Variants in SLC39A8 observed in about 807,000 individuals in gnomAD.
SLC39A8 encodes solute carrier family 39 member 8.
Under a neutral mutation model 40.4 loss-of-function variants are expected in SLC39A8, and 15 were observed. The observed-to-expected ratio is 0.37, with a 90% CI of 0.25 to 0.57. The LOEUF (loss-of-function observed/expected upper bound fraction) is 0.57. Among genes scored for constraint, SLC39A8 ranks in the 20% least tolerant of loss-of-function variants. SLC39A8 has a pLI of 0.75. For missense variants in SLC39A8, 472 were observed against 558.8 expected, an observed-to-expected ratio of 0.84 and a Z score of 1.57; for synonymous variants, 223 against 221.6, an observed-to-expected ratio of 1.01 and a Z score of -0.06.
intron 5 of SLC39A8, 124 bp from the exon 6 acceptor site, chr4:102,304,605 G>T (rs1734069496): frequency 1.4e-6 from 1 of 715,056 alleles, no homozygotes; most frequent in Non-Finnish European, 2.2e-6. Context: ...TATGTGTAAA[G>T]AAGTATTTTT....
intron 6 of SLC39A8, among the ~76,000 whole-genome samples, chr4:102,291,352 G>T (rs188700093): frequency 2.0e-5 from 3 of 151,508 alleles, no homozygotes. Flanking sequence ...ACAGCAACAC[G>T]TCCTAAATAC....
Position 102,267,586 on chromosome 4 carries a change from C to T in SLC39A8, c.1137G>A (p.Gly379=). 1.2e-6 allele frequency: 2 copies of T among 1,613,910 alleles called. No homozygotes were observed. The highest frequency in any genetic ancestry group is 1.7e-6 in the Non-Finnish European group (2 of 1,179,954). Residue 379 remains glycine (G), a synonymous_variant, in exon 8 of 9, where the codon GGG becomes GGA. Transcript: ENST00000356736. ...NFLSACSCYV[G]LAFGILVGNN... ...TGCCCACCAAAATGCCAAAAGCTAGCCCAACATAGCAGGAACATGCAGAAA... is the reference window on the plus strand; with the variant it reads ...TGCCCACCAAAATGCCAAAAGCTAGTCCAACATAGCAGGAACATGCAGAAA...
chr4:102,291,032 G>A (rs1317451261), intron 6 of SLC39A8, among the ~76,000 whole-genome samples: 1 of 151,784 alleles, frequency 6.6e-6, no homozygotes, highest in East Asian at 1.9e-4. Flanking sequence ...ACCTCTCCCT[G>A]TCTGCCTGGC....
chr4:102,336,963 T>C (rs1004570607), intron 2 of SLC39A8, among the ~76,000 whole-genome samples: 1 of 152,176 alleles, frequency 6.6e-6, no homozygotes, highest in Non-Finnish European at 1.5e-5. Context: ...TTAGTAACAT[T>C]CTTTTTTTAA....
intron 3 of SLC39A8, among the ~76,000 whole-genome samples, chr4:102,309,747 C>T (rs1441962174): frequency 6.6e-6 from 1 of 152,106 alleles, no homozygotes; most frequent in Non-Finnish European, 1.5e-5. Context: ...AACACCTGTT[C>T]CATTACCCTT....
At chr4:102,293,880 T>C (rs1444596766) in intron 6 of SLC39A8, among the ~76,000 whole-genome samples, 5 of 151,300 alleles carry the variant, frequency 3.3e-5, no homozygotes, top group Non-Finnish European at 7.4e-5. Flanking sequence ...ATAATAATTA[T>C]GGCAGTGTGG....
rs567282844 is a variant in SLC39A8, at chr4:102,279,492, C to T, written c.841-11413G>A. Among the ~76,000 whole-genome samples the T allele has an allele frequency of 3.3e-5, 5 of 152,162 alleles. No individual in the cohort carries two copies. The South Asian group carries it at 6.2e-4, about 19-fold the overall frequency. ...AGTCCTGGTCAAGGGAAAATAGCAA[C>T]GATCCCCCAATAAAAACAAGACTAC... On this transcript the variant is annotated intron_variant, in intron 6 of 8. Coordinates refer to ENST00000356736, the MANE Select transcript of SLC39A8 (RefSeq NM_001135146.2).
At chr4:102,254,868 G>A (rs1731673112) in intron 11 of SLC39A8, among the ~76,000 whole-genome samples, 1 of 152,156 alleles carries the variant, frequency 6.6e-6, no homozygotes, top group South Asian at 2.1e-4. Context: ...TTAGGTTATA[G>A]ATTGAGGCCC....
chr4:102,262,856 C>A lies in SLC39A8; in HGVS notation c.*188G>T, dbSNP rs930008779. The stretch of plus-strand genomic sequence containing the variant: ...AGGCATCTCAGACTGACACTGAAAA[C>A]CTTTTGAAGCATTTTTAACAACAAA... On this transcript the variant is annotated 3_prime_UTR_variant, in exon 9 of 9. Transcript: ENST00000356736. 101 of 1,363,006 alleles carry A rather than the reference C, an allele frequency of 7.4e-5. No homozygotes were observed. Among genetic ancestry groups the A allele is most frequent in the Non-Finnish European group, 9.0e-5 (95 of 1,060,748 alleles). The allele number at this position is 1,363,006 out of a possible 1,614,324, so 84.4% of individuals were successfully genotyped here.
rs1313275089 is a variant in SLC39A8, at chr4:102,268,094, A to G, written c.841-15T>C. The G allele has an allele frequency of 1.2e-6, 2 of 1,613,232 alleles. No individual in the cohort carries two copies. The highest frequency in any genetic ancestry group is 2.7e-5 in the African/African-American group (2 of 74,908). ...TTTTTTCCATCCTAGCAGAAAATCA[A>G]TTAAAATGATAACCAACATTTCTTG... On this transcript the variant is annotated splice_polypyrimidine_tract_variant and intron_variant, in intron 6 of 8. Transcript: ENST00000356736.
At chr4:102,327,281 T>C (rs917983599) in intron 2 of SLC39A8, among the ~76,000 whole-genome samples, 13 of 152,130 alleles carry the variant, frequency 8.5e-5, no homozygotes, top group Admixed American at 2.0e-4. Context: ...TACACATTTA[T>C]GCCGAGAGTC....
At chr4:102,289,499 C>T (rs1733327670) in intron 6 of SLC39A8, among the ~76,000 whole-genome samples, 1 of 151,996 alleles carries the variant, frequency 6.6e-6, no homozygotes, top group African/African-American at 2.4e-5. Flanking sequence ...CTGTAGCTGC[C>T]ATAGTAGTGA....
At chr4:102,269,006 A>G (rs1389568100) in intron 6 of SLC39A8, among the ~76,000 whole-genome samples, 2 of 152,156 alleles carry the variant, frequency 1.3e-5, no homozygotes, top group African/African-American at 4.8e-5. Flanking sequence ...TCTCACCTCT[A>G]CCTAAGCAGC....
At position 102,305,076 on chromosome 4, in the gene SLC39A8, A is replaced by G. The variant is rs748336619; in HGVS notation, c.588T>C (p.Val196=). The change falls in exon 5 of 9, where the codon GTT becomes GTC. Residue 196 remains valine (V), a synonymous_variant. Coordinates refer to ENST00000356736, the MANE Select transcript of SLC39A8 (RefSeq NM_001135146.2). Reference sequence around the variant, plus strand: ...CACCAAACACAGCAACTGCCTTCTCAACATAACTGTCGACTTTGGGATCAA... The same window carrying G: ...CACCAAACACAGCAACTGCCTTCTCGACATAACTGTCGACTTTGGGATCAA... The part of the protein sequence containing the change: ...FGFDPKVDSY[V]EKAVAVFGGF... 4.3e-6 allele frequency: 7 copies of G among 1,610,174 alleles called. No homozygotes were observed. Among genetic ancestry groups the G allele is most frequent in the Non-Finnish European group, 5.9e-6 (7 of 1,177,798 alleles).
At chr4:102,286,725 T>C (rs1028068905) in intron 6 of SLC39A8, among the ~76,000 whole-genome samples, 2 of 152,150 alleles carry the variant, frequency 1.3e-5, no homozygotes, top group African/African-American at 4.8e-5. Context: ...AAATACTCTA[T>C]AGCCAAGCCC....
At chr4:102,310,098 T>C (rs1440578697) in intron 3 of SLC39A8, among the ~76,000 whole-genome samples, 4 of 152,038 alleles carry the variant, frequency 2.6e-5, no homozygotes, top group Non-Finnish European at 5.9e-5. Flanking sequence ...TCCAGTGTTA[T>C]TTACCCCCTT....
chr4:102,344,653 C>G lies in SLC39A8; in HGVS notation c.10G>C (p.Gly4Arg), dbSNP rs111649546. The change falls in exon 2 of 9, where the codon GGT becomes CGT. Residue 4 changes from glycine (G) to arginine (R), a missense_variant. This residue lies in a region of SLC39A8 where 175 missense variants were observed against 160.5 expected (regional missense o/e 1.09). Transcript: ENST00000356736. MAP[G>R]RAVAGLLLLA... ...AACAGGAGCCCGGCCACCGCGCGAC[C>G]CGGGGCCATCCTGGCCTGGGCTTCC... 49 of 1,531,184 alleles carry G rather than the reference C, an allele frequency of 3.2e-5. No individual in the cohort carries two copies. The African/African-American group carries it at 5.9e-4, about 19-fold the overall frequency. The allele number at this position is 1,531,184 out of a possible 1,614,324, so 94.8% of individuals were successfully genotyped here.
At chr4:102,311,634 T>A (rs1295003335) in intron 3 of SLC39A8, among the ~76,000 whole-genome samples, 1 of 152,150 alleles carries the variant, frequency 6.6e-6, no homozygotes, top group African/African-American at 2.4e-5. Flanking sequence ...ATTAAATTAT[T>A]ACTAAAATGC....
At position 102,341,071 on chromosome 4, in the gene SLC39A8, G is replaced by A. The variant is rs1202197915; in HGVS notation, c.219+3373C>T. 6.4e-5 allele frequency among the ~76,000 whole-genome samples: 4 copies of A among 62,928 alleles called. No homozygotes were observed. The African/African-American group carries it at 6.8e-4, about 11-fold the overall frequency. 41.3% of individuals were successfully genotyped at this position (62,928 alleles called of 152,430 possible). ...TAGGCTCAAGATTTAGAGTTTGCCA[G>A]CTGAGACAGTTCATGGAGGCTTTTT... On this transcript the variant is annotated intron_variant, in intron 2 of 8. Transcript: ENST00000356736.
Sources: gnomAD v4.1 joint callset for allele counts (sites outside exome capture counted in the v4.1 genomes callset) on GRCh38, gnomAD v4.1.1 for gene constraint, gnomAD v4.1.1 regional missense constraint, MANE v1.5 for transcripts, NCBI Gene and HGNC (gene_info 2026-07-23, HGNC 2026-07-21) for gene names.